The following ANO10 variants were observed in gnomAD, a reference collection of about 807,000 sequenced individuals.
ANO10 encodes the protein anoctamin 10, also known as anoctamin-10.
A neutral mutation model predicts 74.7 loss-of-function variants in ANO10; 77 were observed. The observed-to-expected ratio is 1.03, with a 90% confidence interval of 0.86 to 1.25. The LOEUF (loss-of-function observed/expected upper bound fraction) is 1.25, where lower values mean the gene tolerates loss of function less well. ANO10 is among the 50% of genes most tolerant of loss of function. The pLI is 0.00. For synonymous variants in ANO10, 279 were observed against 284.9 expected (o/e 0.98, Z 0.21); for missense variants, 721 against 778.1 (o/e 0.93, Z 0.87).
intron 4 of ANO10, among the ~76,000 whole-genome samples, chr3:43,580,782 A>G (rs998377540): frequency 6.6e-6 from 1 of 152,192 alleles, no homozygotes; most frequent in Non-Finnish European, 1.5e-5. Flanking sequence ...AATATAGTGT[A>G]TAACCAGACA....
At chr3:43,561,890 C>T (rs1259918476) in intron 8 of ANO10, among the ~76,000 whole-genome samples, 3 of 152,064 alleles carry the variant, frequency 2.0e-5, no homozygotes, top group Admixed American at 6.6e-5. Flanking sequence ...TTGTGTTCTT[C>T]GACATTTCAT....
chr3:43,507,065 C>T (rs891505353), intron 11 of ANO10, among the ~76,000 whole-genome samples: 4 of 152,084 alleles, frequency 2.6e-5, no homozygotes, highest in Non-Finnish European at 4.4e-5. Flanking sequence ...GTTCTAATTC[C>T]TACTTATTGG....
rs1237866772 is a variant in ANO10, at chr3:43,472,691, T to C, written c.1798-39964A>G. The C allele has an allele frequency of 2.0e-5, 3 of 152,186 alleles. No individual in the cohort carries two copies. The East Asian group carries it at 5.8e-4, about 29-fold the overall frequency. The allele number at this position is 152,186 out of a possible 1,614,324, so 9.4% of individuals were successfully genotyped here. A position where few individuals can be genotyped will look rare whatever the true frequency, so the allele number is the denominator to read the frequency against. On this transcript the variant is annotated intron_variant, in intron 11 of 12. Transcript: ENST00000292246. The stretch of plus-strand genomic sequence containing the variant: ...TTTGACGTAGGAGGAAAAATTGCTA[T>C]AAAAAAAATTTTTGGAAGACAATTG...
chr3:43,663,720 T>A (rs2083953671), intron 1 of ANO10, among the ~76,000 whole-genome samples: 1 of 152,110 alleles, frequency 6.6e-6, no homozygotes, highest in South Asian at 2.1e-4. Flanking sequence ...TGCGCAAAAA[T>A]CACAAGCATT....
intron 1 of ANO10, among the ~76,000 whole-genome samples, chr3:43,615,622 T>A (rs1198398800): frequency 6.6e-6 from 1 of 152,046 alleles, no homozygotes; most frequent in African/African-American, 2.4e-5. Flanking sequence ...TAAAGCCAAA[T>A]TTCATATATA....
intron 12 of ANO10, among the ~76,000 whole-genome samples, chr3:43,389,549 A>G (rs963934046): frequency 6.6e-6 from 1 of 152,228 alleles, no homozygotes; most frequent in Non-Finnish European, 1.5e-5. Context: ...GAAGTCAAAC[A>G]AACAAGCTTG....
chr3:43,415,820 G>A (rs190173821), intron 12 of ANO10, among the ~76,000 whole-genome samples: 1 of 152,234 alleles, frequency 6.6e-6, no homozygotes, highest in East Asian at 1.9e-4. Flanking sequence ...GGGATTACAG[G>A]CATGAGCCAC....
chr3:43,670,128 A>T (rs1384262593), intron 1 of ANO10, among the ~76,000 whole-genome samples: 2 of 152,032 alleles, frequency 1.3e-5, no homozygotes, highest in Admixed American at 1.3e-4. Flanking sequence ...TAAGGTAGGA[A>T]GATTGCTTGA....
At chr3:43,514,173 C>T (rs9873316) in intron 11 of ANO10, among the ~76,000 whole-genome samples, 74,915 of 151,544 alleles carry the variant, frequency 0.49, 20,595 homozygotes, top group East Asian at 0.83. Context: ...AATGCCATAA[C>T]GCCCCAATTA....
intron 12 of ANO10, among the ~76,000 whole-genome samples, chr3:43,417,378 G>A (rs1386331284): frequency 6.6e-6 from 1 of 152,106 alleles, no homozygotes; most frequent in Non-Finnish European, 1.5e-5. Flanking sequence ...CCTTCCCCAC[G>A]GCTATGTAAA....
chr3:43,562,118 C>A (rs544300176), intron 8 of ANO10, among the ~76,000 whole-genome samples: 1 of 152,156 alleles, frequency 6.6e-6, no homozygotes. Flanking sequence ...TGCCTGTAAT[C>A]CCAGTACTTT....
intron 12 of ANO10, among the ~76,000 whole-genome samples, chr3:43,386,648 CGTGTGTGTGTGTGTGTGTGTGTGTGTGT>C (rs36065814): frequency 2.9e-5 from 4 of 139,996 alleles, no homozygotes; most frequent in African/African-American, 1.1e-4. Flanking sequence ...TAGGTGTGTA[CGTGTGTGTGTGTGTGTGTGTGTGTGTGT>C]GTGTGTGTGT....
chr3:43,516,319 A>C (rs1224201846), intron 11 of ANO10, among the ~76,000 whole-genome samples: 1 of 152,238 alleles, frequency 6.6e-6, no homozygotes, highest in African/African-American at 2.4e-5. Context: ...TCCTCTGAAG[A>C]GCAGAAATTG....
At chr3:43,499,011 CT>C (rs1332444887) in intron 11 of ANO10, among the ~76,000 whole-genome samples, 2 of 152,108 alleles carry the variant, frequency 1.3e-5, no homozygotes, top group Non-Finnish European at 1.5e-5. Context: ...GTGGTGAGTA[CT>C]GAGGAAGAAG....
intron 1 of ANO10, among the ~76,000 whole-genome samples, chr3:43,632,266 C>G (rs947064251): frequency 1.8e-4 from 27 of 152,300 alleles, no homozygotes; most frequent in African/African-American, 6.5e-4. Flanking sequence ...ATGGATGTGT[C>G]AGTAGGCTTC....
chr3:43,609,202 T>C (rs928732495), intron 1 of ANO10, among the ~76,000 whole-genome samples: 1 of 152,166 alleles, frequency 6.6e-6, no homozygotes, highest in Non-Finnish European at 1.5e-5. Context: ...GATACACAGC[T>C]TAAAACTAGA....
At chr3:43,657,330 C>T (rs1307690919) in intron 1 of ANO10, among the ~76,000 whole-genome samples, 2 of 152,186 alleles carry the variant, frequency 1.3e-5, no homozygotes, top group African/African-American at 4.8e-5. Flanking sequence ...ATGTATAAAG[C>T]AGAGGCTTCA....
At chr3:43,586,662 GAACA>G (rs1476249558) in intron 4 of ANO10, among the ~76,000 whole-genome samples, 25 of 152,068 alleles carry the variant, frequency 1.6e-4, no homozygotes, top group African/African-American at 6.0e-4. Context: ...AAAAGTCAAA[GAACA>G]AACAGCAGAA....
chr3:43,543,662 C>G (rs1320564010), intron 11 of ANO10, among the ~76,000 whole-genome samples: 3 of 152,224 alleles, frequency 2.0e-5, no homozygotes, highest in Non-Finnish European at 4.4e-5. Flanking sequence ...GCTAGGATTA[C>G]AGGCGTGAGC....
Sources: allele counts gnomAD v4.1 joint callset (sites outside exome capture counted in the v4.1 genomes callset), GRCh38; gene constraint gnomAD v4.1.1; transcripts MANE v1.5; gene names NCBI Gene and HGNC (gene_info 2026-07-23, HGNC 2026-07-21).